The following EYS variants were observed in gnomAD, a reference collection of about 807,000 sequenced individuals.
EYS encodes the protein protein eyes shut homolog.
A neutral mutation model predicts 282.1 loss-of-function variants in EYS; 250 were observed. The observed-to-expected ratio is 0.89, with a 90% CI of 0.80 to 0.98. EYS has a LOEUF of 0.98. Ranked by LOEUF, EYS falls within the 50% of genes least tolerant of loss-of-function variation. EYS has a pLI of 0.00. For synonymous variants in EYS, 1,355 were observed against 1,282.9 expected (o/e 1.06, Z -1.20); for missense variants, 4,016 against 3,709.0 (o/e 1.08, Z -2.15).
rs148757176 is a variant in EYS, at chr6:64,575,916, A to G, written c.5644+14307T>C. On this transcript the variant is annotated intron_variant, in intron 26 of 42. Coordinates refer to ENST00000503581, the MANE Select transcript of EYS (RefSeq NM_001142800.2). ...CAGCAATTTATATAGATAAATTCAT[A>G]TAATCCTCAAAATGACTGCACAAAA... 8.7e-3 allele frequency among the ~76,000 whole-genome samples: 1,317 copies of G among 152,234 alleles called. 23 individuals carry two copies. The highest frequency in any genetic ancestry group is 0.028 in the African/African-American group (1,164 of 41,554).
chr6:63,982,132 C>A (rs1767128574), intron 35 of EYS, among the ~76,000 whole-genome samples: 1 of 151,750 alleles, frequency 6.6e-6, no homozygotes, highest in African/African-American at 2.4e-5. Flanking sequence ...AAGTTAATGT[C>A]CTAAAATAAA....
At chr6:63,735,832 T>G (rs1281268625) in intron 41 of EYS, among the ~76,000 whole-genome samples, 1 of 152,148 alleles carries the variant, frequency 6.6e-6, no homozygotes, top group East Asian at 1.9e-4. Context: ...ACAGTTCCTC[T>G]TACTGTTTTC....
At chr6:64,555,809 C>T (rs775601401) in intron 26 of EYS, among the ~76,000 whole-genome samples, 4 of 151,786 alleles carry the variant, frequency 2.6e-5, no homozygotes, top group Non-Finnish European at 5.9e-5. Flanking sequence ...AAAATATGTA[C>T]ACCTATTATA....
intron 1 of EYS, among the ~76,000 whole-genome samples, chr6:65,699,604 TA>T (rs1336873501): frequency 1.3e-5 from 2 of 152,126 alleles, no homozygotes; most frequent in Non-Finnish European, 2.9e-5. Context: ...CTATTCATCC[TA>T]AGGCAAGGAG....
At chr6:64,245,963 G>A (rs1766999877) in intron 30 of EYS, among the ~76,000 whole-genome samples, 1 of 139,402 alleles carries the variant, frequency 7.2e-6, no homozygotes, top group Non-Finnish European at 1.5e-5. Flanking sequence ...AGCTTGCAGT[G>A]AGTCGAGATC....
chr6:64,159,434 C>T (rs1488260773), intron 31 of EYS, among the ~76,000 whole-genome samples: 1 of 151,742 alleles, frequency 6.6e-6, no homozygotes, highest in African/African-American at 2.4e-5. Context: ...GTGGCAGGCA[C>T]CTGTAGTCCC....
intron 12 of EYS, among the ~76,000 whole-genome samples, chr6:65,229,725 G>A (rs1766719948): frequency 6.6e-6 from 1 of 151,846 alleles, no homozygotes. Flanking sequence ...GAAGAAAAGT[G>A]AAAAAACATA....
intron 33 of EYS, among the ~76,000 whole-genome samples, chr6:64,061,964 CAAAAA>C (rs35562314): frequency 1.6e-5 from 2 of 123,584 alleles, no homozygotes; most frequent in African/African-American, 5.7e-5. Flanking sequence ...GAGACTCTTT[CAAAAA>C]AAAAAAAAAG....
intron 19 of EYS, among the ~76,000 whole-genome samples, chr6:64,869,091 T>A (rs1254683610): frequency 1.3e-5 from 2 of 151,540 alleles, no homozygotes; most frequent in African/African-American, 2.4e-5. Context: ...CATTTTATCA[T>A]ACCTTACACT....
intron 26 of EYS, among the ~76,000 whole-genome samples, chr6:64,441,147 C>A (rs762756277): frequency 6.6e-6 from 1 of 152,126 alleles, no homozygotes; most frequent in African/African-American, 2.4e-5. Flanking sequence ...GACAAGACTA[C>A]GTTGAAGATG....
chr6:65,108,985 C>A (rs917586814), intron 12 of EYS, among the ~76,000 whole-genome samples: 1 of 151,716 alleles, frequency 6.6e-6, no homozygotes, highest in African/African-American at 2.4e-5. Context: ...TTAAGTCCAC[C>A]CAGTGATTTT....
At chr6:64,552,770 T>C (rs1274820421) in intron 26 of EYS, among the ~76,000 whole-genome samples, 1 of 138,674 alleles carries the variant, frequency 7.2e-6, no homozygotes, top group African/African-American at 2.7e-5. Context: ...CATAAAAAAA[T>C]TAGCCAGGCA....
At chr6:65,443,794 A>T (rs1235786389) in intron 5 of EYS, among the ~76,000 whole-genome samples, 2 of 151,792 alleles carry the variant, frequency 1.3e-5, no homozygotes, top group African/African-American at 4.8e-5. Context: ...TTACATATAC[A>T]TTATGTACAC....
intron 17 of EYS, 78 bp downstream of exon 17, chr6:64,902,326 T>C: frequency 1.5e-6 from 2 of 1,301,752 alleles, no homozygotes; most frequent in Non-Finnish European, 2.1e-6. Flanking sequence ...TGTTGCTTAA[T>C]TCACCAATTA....
chr6:64,676,844 G>A (rs115603380), intron 22 of EYS, among the ~76,000 whole-genome samples: 1,689 of 152,110 alleles, frequency 0.011, 37 homozygotes, highest in African/African-American at 0.039. Flanking sequence ...TTTCATGAGG[G>A]CTCTGCTCTC....
At chr6:65,084,907 G>T (rs1165890822) in intron 12 of EYS, among the ~76,000 whole-genome samples, 1 of 152,130 alleles carries the variant, frequency 6.6e-6, no homozygotes, top group Non-Finnish European at 1.5e-5. Context: ...AGGGTGTGTT[G>T]CTGGGACAGT....
Position 64,617,417 on chromosome 6 carries a change from C to T in EYS, c.3684+1G>A. 6.5e-7 allele frequency: 1 copy of T among 1,527,596 alleles called. No individual in the cohort carries two copies. The highest frequency in any genetic ancestry group is 8.9e-7 in the Non-Finnish European group (1 of 1,125,176). 94.6% of individuals were successfully genotyped at this position (1,527,596 alleles called of 1,614,324 possible). A position where few individuals can be genotyped will look rare whatever the true frequency, so the allele number is the denominator to read the frequency against. On this transcript the variant is annotated splice_donor_variant, in intron 24 of 42. Coordinates refer to ENST00000503581, the MANE Select transcript of EYS (RefSeq NM_001142800.2). LOFTEE classifies it high-confidence loss of function. Reference sequence around the variant, plus strand: ...CAACCACAACCACCAGTAATCTTTACCATAAATCCAGGTGTGCATAAACAT... The same window carrying T: ...CAACCACAACCACCAGTAATCTTTATCATAAATCCAGGTGTGCATAAACAT...
At position 64,626,201 on chromosome 6, in the gene EYS, T is replaced by A; in HGVS notation, c.3488A>T (p.Asn1163Ile). ...TAGACATGGTGATGAAGAGCATTCA[T>A]TTATATTAATTTCACAAAATTGACC... Reference protein sequence around the residue: ...FSGQFCEININECSSSPCLHG... With the variant: ...FSGQFCEINIIECSSSPCLHG... The change falls in exon 23 of 43, where the codon AAT becomes ATT. Residue 1163 changes from asparagine (N) to isoleucine (I), a missense_variant. By Grantham distance (149) the Asn-to-Ile change is moderately radical (BLOSUM62 -3). Transcript: ENST00000503581. 6.5e-7 allele frequency: 1 copy of A among 1,534,742 alleles called. No homozygotes were observed.
At chr6:64,291,306 T>C (rs930644332) in intron 30 of EYS, among the ~76,000 whole-genome samples, 1 of 152,086 alleles carries the variant, frequency 6.6e-6, no homozygotes. Flanking sequence ...ACAATCTTTT[T>C]ATTGTTTATA....
Sources: gnomAD v4.1 joint callset for allele counts (sites outside exome capture counted in the v4.1 genomes callset) on GRCh38, gnomAD v4.1.1 for gene constraint, MANE v1.5 for transcripts, NCBI Gene and HGNC (gene_info 2026-07-23, HGNC 2026-07-21) for gene names.